The following CEP112 variants were observed in gnomAD, a reference collection of about 807,000 sequenced individuals.
CEP112 encodes the protein centrosomal protein of 112 kDa.
In CEP112, 127 loss-of-function variants were observed where a neutral mutation model predicts 153.0. The ratio of observed to expected loss-of-function variants is 0.83; its 90% CI spans 0.72 to 0.96. The LOEUF is 0.96. Ranked by LOEUF, CEP112 falls within the 40% of genes least tolerant of loss-of-function variation. The pLI is 0.00. For synonymous variants in CEP112, 358 were observed against 374.4 expected (o/e 0.96, Z 0.51); for missense variants, 1,089 against 1,101.2 (o/e 0.99, Z 0.16).
intron 6 of CEP112, among the ~76,000 whole-genome samples, chr17:66,122,362 T>C (rs917061279): frequency 4.6e-5 from 7 of 152,370 alleles, no homozygotes; most frequent in African/African-American, 1.7e-4. Context: ...TTGCATGTCT[T>C]ATAATTTTTT....
intron 4 of CEP112, among the ~76,000 whole-genome samples, chr17:66,156,639 A>G (rs565098565): frequency 6.6e-6 from 1 of 152,250 alleles, no homozygotes; most frequent in East Asian, 1.9e-4. Context: ...ATCTTGAAAA[A>G]GGTTAGAGGA....
At chr17:66,136,715 C>T (rs556200159) in intron 4 of CEP112, among the ~76,000 whole-genome samples, 3 of 152,240 alleles carry the variant, frequency 2.0e-5, no homozygotes, top group Admixed American at 6.5e-5. Flanking sequence ...CTACTAGCTC[C>T]AGAAGGCCCA....
Position 65,756,405 on chromosome 17 carries a change from CAAAAAAAA to C in CEP112, c.2395-5689_2395-5682del, listed in dbSNP as rs766476895. On this transcript the variant is annotated intron_variant, in intron 21 of 26. Transcript: ENST00000535342. ...TGTGTGATGCAGCAAGACTCCGTCT[CAAAAAAAA>C]AAAAAAAAAAAAAAAAAAAAGAAAT... 3.6e-4 allele frequency among the ~76,000 whole-genome samples: 11 copies of C among 30,516 alleles called. No individual in the cohort carries two copies. In the East Asian group the frequency reaches 4.6e-3, roughly 13 times the overall value. The allele number at this position is 30,516 out of a possible 152,430, so 20.0% of individuals were successfully genotyped here.
At chr17:66,057,813 G>A (rs1237525611) in intron 11 of CEP112, among the ~76,000 whole-genome samples, 2 of 150,840 alleles carry the variant, frequency 1.3e-5, no homozygotes, top group Non-Finnish European at 3.0e-5. Context: ...CAGTGAGGGG[G>A]CAGGTACAGT....
chr17:66,100,322 C>A (rs1030146314), intron 6 of CEP112, among the ~76,000 whole-genome samples: 2 of 150,808 alleles, frequency 1.3e-5, no homozygotes, highest in Admixed American at 6.6e-5. Flanking sequence ...ATGGCATGAA[C>A]CCTGGAGGCG....
intron 21 of CEP112, among the ~76,000 whole-genome samples, chr17:65,819,316 A>G (rs1034943617): frequency 6.6e-6 from 1 of 151,886 alleles, no homozygotes; most frequent in Admixed American, 6.6e-5. Context: ...TGAGCTTCCA[A>G]TATTTTCTCT....
chr17:66,176,047 T>C (rs557188279), intron 3 of CEP112, among the ~76,000 whole-genome samples: 2 of 152,362 alleles, frequency 1.3e-5, no homozygotes, highest in East Asian at 1.9e-4. Flanking sequence ...ATTAAAACTT[T>C]TGGCATTGTG....
At chr17:65,999,365 C>T (rs1474251660) in intron 17 of CEP112, among the ~76,000 whole-genome samples, 2 of 151,892 alleles carry the variant, frequency 1.3e-5, no homozygotes, top group Non-Finnish European at 2.9e-5. Flanking sequence ...CAGCACACGG[C>T]TAATTTTTTG....
rs114014981 is a variant in CEP112 at position 65,865,940 on chromosome 17, C to T, written c.2164-13906G>A. On this transcript the variant is annotated intron_variant, in intron 20 of 26. Transcript: ENST00000535342. Reference sequence around the variant, plus strand: ...AGGGCGGTGCTGCGCTCTACACAGCCGGTGGGAGCTGGGAGCAGGCAGGAG... The same window carrying T: ...AGGGCGGTGCTGCGCTCTACACAGCTGGTGGGAGCTGGGAGCAGGCAGGAG... Among the ~76,000 whole-genome samples the T allele has an allele frequency of 2.7e-3, 408 of 152,192 alleles. 1 individual carries two copies. The highest frequency in any genetic ancestry group is 9.4e-3 in the African/African-American group (391 of 41,542).
intron 6 of CEP112, among the ~76,000 whole-genome samples, chr17:66,101,360 T>C (rs1042983445): frequency 3.3e-5 from 5 of 151,964 alleles, no homozygotes; most frequent in African/African-American, 1.2e-4. Context: ...ATGCAAGAAT[T>C]CAGAAAATAC....
chr17:65,836,092 C>T (rs59518039), intron 21 of CEP112, among the ~76,000 whole-genome samples: 3,022 of 152,080 alleles, frequency 0.02, 80 homozygotes, highest in African/African-American at 0.069. Context: ...TTGTAAGCCT[C>T]GTGGTGGCCA....
At chr17:66,044,849 T>C (rs1434535600) in intron 12 of CEP112, among the ~76,000 whole-genome samples, 4 of 152,110 alleles carry the variant, frequency 2.6e-5, no homozygotes, top group Non-Finnish European at 5.9e-5. Flanking sequence ...AAATGGTAAA[T>C]TTCATGTTAC....
intron 19 of CEP112, among the ~76,000 whole-genome samples, chr17:65,907,927 T>C (rs1236280540): frequency 6.6e-6 from 1 of 152,174 alleles, no homozygotes; most frequent in Non-Finnish European, 1.5e-5. Flanking sequence ...ACGGAGTTAA[T>C]GATGACCAGG....
At chr17:65,644,358 C>T in intron 24 of CEP112, 1 of 562,984 alleles carries the variant, frequency 1.8e-6, no homozygotes, top group Non-Finnish European at 3.2e-6. Context: ...AGAAGCCGGA[C>T]AAGTTCAAGT....
intron 21 of CEP112, among the ~76,000 whole-genome samples, chr17:65,811,706 G>A (rs572968536): frequency 2.4e-4 from 37 of 152,284 alleles, no homozygotes; most frequent in Admixed American, 1.8e-3. Context: ...AAAGTGAAGC[G>A]CTGTGAATGA....
chr17:66,003,293 G>A (rs2064136732), intron 17 of CEP112, among the ~76,000 whole-genome samples: 1 of 152,160 alleles, frequency 6.6e-6, no homozygotes. Context: ...TACCTAAAGA[G>A]GGTTACTTGG....
At chr17:65,800,299 C>G (rs1202585292) in intron 21 of CEP112, among the ~76,000 whole-genome samples, 1 of 152,074 alleles carries the variant, frequency 6.6e-6, no homozygotes, top group African/African-American at 2.4e-5. Flanking sequence ...AAACTCTAAT[C>G]CACATTCTGT....
Position 66,066,787 on chromosome 17 carries a change from C to T in CEP112, c.946G>A (p.Glu316Lys). 6.5e-7 allele frequency: 1 copy of T among 1,532,392 alleles called. No homozygotes were observed. The highest frequency in any genetic ancestry group is 1.3e-5 in the South Asian group (1 of 79,826). The allele number at this position is 1,532,392 out of a possible 1,614,324, so 94.9% of individuals were successfully genotyped here. Reference protein sequence around the residue: ...HETEETIRKLEKKVQTLIRDC... With the variant: ...HETEETIRKLKKKVQTLIRDC... Reference sequence around the variant, plus strand: ...AACAACACAACATCACCTTTCTTTTCAAGCTTTCTAATAGTCTCTTCAGTT... The same window carrying T: ...AACAACACAACATCACCTTTCTTTTTAAGCTTTCTAATAGTCTCTTCAGTT... The change falls in exon 10 of 27, where the codon GAA becomes AAA. Residue 316 changes from glutamate to lysine, a missense_variant. By Grantham distance (56) the Glu-to-Lys change is moderately conservative (BLOSUM62 1). Coordinates refer to ENST00000535342, the MANE Select transcript of CEP112 (RefSeq NM_001199165.4).
chr17:65,886,647 T>C (rs1314396418), intron 20 of CEP112, among the ~76,000 whole-genome samples: 1 of 152,220 alleles, frequency 6.6e-6, no homozygotes, highest in Admixed American at 6.5e-5. Context: ...TAATAGTCTG[T>C]TTGCTAATAA....
Sources: allele counts gnomAD v4.1 joint callset (sites outside exome capture counted in the v4.1 genomes callset), GRCh38; gene constraint gnomAD v4.1.1; transcripts MANE v1.5; gene names NCBI Gene and HGNC (gene_info 2026-07-23, HGNC 2026-07-21).